The following UBE2F variants were observed in gnomAD, a reference collection of about 807,000 sequenced individuals.
UBE2F encodes the protein NEDD8-conjugating enzyme UBE2F.
A neutral mutation model predicts 29.6 loss-of-function variants in UBE2F; 5 were observed. The ratio of observed to expected loss-of-function variants is 0.17; its 90% CI spans 0.09 to 0.36. The LOEUF (loss-of-function observed/expected upper bound fraction) is 0.36, where lower values mean the gene tolerates loss of function less well. Among genes scored for constraint, UBE2F ranks in the 10% least tolerant of loss-of-function variants. The pLI is 1.00. For synonymous variants in UBE2F, 66 were observed against 81.8 expected (o/e 0.81, Z 1.04); for missense variants, 141 against 228.5 (o/e 0.62, Z 2.47).
intron 2 of UBE2F, among the ~76,000 whole-genome samples, chr2:237,985,622 C>G (rs2063466102): frequency 6.6e-6 from 1 of 152,184 alleles, no homozygotes. Context: ...AGGTTATTTC[C>G]ATATTTTGCC....
At chr2:238,006,187 A>C (rs548085742) in intron 4 of UBE2F, among the ~76,000 whole-genome samples, 72 of 152,348 alleles carry the variant, frequency 4.7e-4, no homozygotes, top group African/African-American at 1.7e-3. Flanking sequence ...TGGAGCCGGC[A>C]TATCACATGG....
chr2:238,002,715 G>A (rs11684702), intron 4 of UBE2F, among the ~76,000 whole-genome samples: 10,850 of 152,142 alleles, frequency 0.071, 419 homozygotes, highest in African/African-American at 0.11. Flanking sequence ...GGGTTCAAGC[G>A]ATTCTCCTGT....
chr2:238,014,985 G>T (rs2064120363), intron 4 of UBE2F, among the ~76,000 whole-genome samples: 2 of 152,178 alleles, frequency 1.3e-5, no homozygotes, highest in African/African-American at 4.8e-5. Context: ...AGTGGAGGAA[G>T]GCTAGAATAA....
intron 2 of UBE2F, among the ~76,000 whole-genome samples, chr2:237,976,047 C>T (rs866435478): frequency 2.0e-5 from 3 of 152,212 alleles, no homozygotes; most frequent in Middle Eastern, 3.2e-3. Flanking sequence ...CACATTTTGG[C>T]CTTACCTACT....
intron 4 of UBE2F, among the ~76,000 whole-genome samples, chr2:237,996,777 C>G (rs1006768750): frequency 2.0e-5 from 3 of 152,014 alleles, no homozygotes; most frequent in Non-Finnish European, 2.9e-5. Context: ...CGCCCAGCCC[C>G]CCTTATTTTT....
chr2:238,016,804 G>C (rs1426464412), intron 5 of UBE2F, among the ~76,000 whole-genome samples, 171 bp downstream of exon 5: 1 of 93,546 alleles, frequency 1.1e-5, no homozygotes, highest in Non-Finnish European at 2.1e-5. Context: ...AGTATTTAGA[G>C]TGTTAGTAGA....
chr2:237,970,964 C>T (rs775677097), intron 1 of UBE2F, among the ~76,000 whole-genome samples: 5 of 152,232 alleles, frequency 3.3e-5, no homozygotes, highest in East Asian at 1.9e-4. Context: ...CCACCTGCCT[C>T]GGCCTACCGA....
rs2064549867 is a variant in UBE2F, at chr2:238,030,537, G to C, written c.354-19G>C. On this transcript the variant is annotated intron_variant, in intron 6 of 9. Transcript: ENST00000272930. Reference sequence around the variant, plus strand: ...CTGTGGCTGCTCCTCACTAACCACTGTGTGTTTGTCTTTTTCAGTTTATTG... The same window carrying C: ...CTGTGGCTGCTCCTCACTAACCACTCTGTGTTTGTCTTTTTCAGTTTATTG... 1 of 1,608,690 alleles carries C rather than the reference G, an allele frequency of 6.2e-7. No homozygotes were observed. Among genetic ancestry groups the C allele is most frequent in the East Asian group, 2.2e-5 (1 of 44,810 alleles).
intron 5 of UBE2F, among the ~76,000 whole-genome samples, chr2:238,021,290 A>G (rs2106390604): frequency 1.3e-5 from 2 of 152,358 alleles, no homozygotes; most frequent in Non-Finnish European, 2.9e-5. Context: ...CTTGTTGAAC[A>G]GCAGTGATGA....
chr2:238,037,800 G>A (rs1462856682), intron 9 of UBE2F, among the ~76,000 whole-genome samples: 1 of 152,036 alleles, frequency 6.6e-6, no homozygotes, highest in Admixed American at 6.6e-5. Flanking sequence ...GTAGAGAGGG[G>A]GTTTTACCAT....
chr2:238,030,643 A>C lies in UBE2F; in HGVS notation c.411+30A>C, dbSNP rs777542796. 2.5e-6 allele frequency: 4 copies of C among 1,590,210 alleles called. No individual in the cohort carries two copies. The South Asian group carries it at 4.4e-5, about 18-fold the overall frequency. On this transcript the variant is annotated intron_variant, in intron 7 of 9. Transcript: ENST00000272930. ...AGTCTGTGCCTTGATCTTGATCATA[A>C]GTTGTCCCTGTGGTCCTCTCCCTGC...
intron 4 of UBE2F, among the ~76,000 whole-genome samples, chr2:238,016,173 A>G (rs1025682660): frequency 6.6e-6 from 1 of 152,178 alleles, no homozygotes; most frequent in Non-Finnish European, 1.5e-5. Flanking sequence ...CCTCCAATTG[A>G]CATTCTCTTG....
intron 5 of UBE2F, 72 bp downstream of exon 5, chr2:238,016,705 G>A: frequency 7.4e-7 from 1 of 1,351,838 alleles, no homozygotes; most frequent in East Asian, 2.3e-5. Flanking sequence ...CCCGCCACTG[G>A]CACAGGGCCC....
intron 9 of UBE2F, among the ~76,000 whole-genome samples, chr2:238,036,163 GTT>G (rs935768467): frequency 6.6e-6 from 1 of 151,914 alleles, no homozygotes; most frequent in South Asian, 2.1e-4. Flanking sequence ...TTGTTTTTTT[GTT>G]TTTTGTTTTG....
rs1052299589 is a variant in UBE2F at position 237,982,280 on chromosome 2, TAGG to T, written c.119-5680_119-5678del. Among the ~76,000 whole-genome samples the T allele has an allele frequency of 6.6e-5, 10 of 152,108 alleles. No individual in the cohort carries two copies. The highest frequency in any genetic ancestry group is 2.4e-4 in the African/African-American group (10 of 41,440). ...TCTTGCTCCCGCACCCCTATCCCCG[TAGG>T]AGAAGGGGCCTGGCTCTGTTGCCCA... On this transcript the variant is annotated intron_variant, in intron 2 of 9. Coordinates refer to ENST00000272930, the MANE Select transcript of UBE2F (RefSeq NM_080678.3). The surrounding 1 kb of genome is among the most constrained non-coding windows in gnomAD (Gnocchi z 4.1).
In UBE2F at chr2:237,982,238, G is replaced by T. The variant is rs2063393883; in HGVS notation, c.119-5725G>T. On this transcript the variant is annotated intron_variant, in intron 2 of 9. Coordinates refer to ENST00000272930, the MANE Select transcript of UBE2F (RefSeq NM_080678.3). This position sits in a 1 kb window ranked among gnomAD's most constrained non-coding sequence, Gnocchi z 4.1. ...CTGGCATCTTCCTGGCTGTCACTTTGCTGGCCCCTGAGTGCCTCTTGCTCC... is the reference window on the plus strand; with the variant it reads ...CTGGCATCTTCCTGGCTGTCACTTTTCTGGCCCCTGAGTGCCTCTTGCTCC... Among the ~76,000 whole-genome samples the T allele has an allele frequency of 6.6e-6, 1 of 152,110 alleles. No individual in the cohort carries two copies. The highest frequency in any genetic ancestry group is 1.5e-5 in the Non-Finnish European group (1 of 68,030).
At chr2:237,986,004 T>C (rs1312456750) in intron 2 of UBE2F, among the ~76,000 whole-genome samples, 4 of 152,134 alleles carry the variant, frequency 2.6e-5, no homozygotes, top group Non-Finnish European at 5.9e-5. Flanking sequence ...GATATGTCTA[T>C]TCATGTTTTT....
chr2:237,992,615 T>C (rs559577027), intron 3 of UBE2F, among the ~76,000 whole-genome samples: 1 of 152,334 alleles, frequency 6.6e-6, no homozygotes, highest in South Asian at 2.1e-4. Context: ...AACATGGTCA[T>C]TAAGTACTGA....
In UBE2F at chr2:237,994,106, CTTCTTTT is replaced by C. The variant is rs1489891782; in HGVS notation, c.149-635_149-629del. On this transcript the variant is annotated intron_variant, in intron 3 of 9. Coordinates refer to ENST00000272930, the MANE Select transcript of UBE2F (RefSeq NM_080678.3). Reference sequence around the variant, plus strand: ...TGGGCGCACTCTTCTTCTTCTTCTTCTTCTTTTTTTTTTTTTTTTTTGAGGCAGAGTT... The same window carrying C: ...TGGGCGCACTCTTCTTCTTCTTCTTCTTTTTTTTTTTTTTGAGGCAGAGTT... Among the ~76,000 whole-genome samples, 541 of 115,092 alleles carry C rather than the reference CTTCTTTT, an allele frequency of 4.7e-3. 3 individuals carry two copies. The highest frequency in any genetic ancestry group is 0.015 in the African/African-American group (500 of 32,352). The allele number at this position is 115,092 out of a possible 152,430, so 75.5% of individuals were successfully genotyped here. A position where few individuals can be genotyped will look rare whatever the true frequency, so the allele number is the denominator to read the frequency against.
Sources: allele counts gnomAD v4.1 joint callset (sites outside exome capture counted in the v4.1 genomes callset), GRCh38; gene constraint gnomAD v4.1.1; non-coding constraint Gnocchi (gnomAD v3.1); transcripts MANE v1.5; gene names NCBI Gene and HGNC (gene_info 2026-07-23, HGNC 2026-07-21).